CPE: variants seen among roughly 807,000 people sequenced by gnomAD.
CPE encodes carboxypeptidase E.
In CPE, 17 loss-of-function variants were observed where a neutral mutation model predicts 53.5. The ratio of observed to expected loss-of-function variants is 0.32; its 90% CI spans 0.22 to 0.48. The LOEUF is 0.48. CPE is among the 20% of genes least tolerant of loss of function. The pLI is 0.99. For missense variants in CPE, 524 were observed against 614.7 expected (o/e 0.85, Z 1.56); for synonymous variants, 226 against 228.8 (o/e 0.99, Z 0.11).
chr4:165,391,260 T>G (rs1457813471), intron 1 of CPE, among the ~76,000 whole-genome samples: 1 of 152,180 alleles, frequency 6.6e-6, no homozygotes, highest in African/African-American at 2.4e-5. Context: ...CTTAAATGAA[T>G]GTACAGAAGA....
chr4:165,407,859 C>CA (rs1730977027), intron 1 of CPE, among the ~76,000 whole-genome samples: 1 of 144,728 alleles, frequency 6.9e-6, no homozygotes, highest in Non-Finnish European at 1.5e-5. Flanking sequence ...CCCGACCCAA[C>CA]TTTTTTTTTT....
chr4:165,481,018 T>TATATATA (rs1560894846), intron 3 of CPE, among the ~76,000 whole-genome samples: 3 of 115,304 alleles, frequency 2.6e-5, no homozygotes, highest in African/African-American at 1.2e-4. Flanking sequence ...ATATATATAT[T>TATATATA]TTTTTTTTTT....
intron 6 of CPE, among the ~76,000 whole-genome samples, chr4:165,491,416 CA>C (rs2126716612): frequency 6.6e-6 from 1 of 152,294 alleles, no homozygotes; most frequent in East Asian, 1.9e-4. Context: ...AATGGGGCCT[CA>C]TTTTAAGAAA....
chr4:165,410,094 C>G (rs1731012701), intron 1 of CPE, among the ~76,000 whole-genome samples: 1 of 151,716 alleles, frequency 6.6e-6, no homozygotes, highest in Non-Finnish European at 1.5e-5. Flanking sequence ...ACTAAAAATA[C>G]AAAAATTAGC....
At chr4:165,402,118 G>T (rs1247033244) in intron 1 of CPE, among the ~76,000 whole-genome samples, 1 of 152,154 alleles carries the variant, frequency 6.6e-6, no homozygotes, top group Non-Finnish European at 1.5e-5. Context: ...ATGTAATAAA[G>T]CTTCTTTATG....
intron 6 of CPE, 22 bp downstream of exon 6, chr4:165,487,599 A>G (rs748290716): frequency 6.2e-7 from 1 of 1,613,528 alleles, no homozygotes; most frequent in South Asian, 1.1e-5. Flanking sequence ...CCCCAGCATA[A>G]AAATGCAAGG....
At chr4:165,456,439 T>G (rs1401586721) in intron 1 of CPE, among the ~76,000 whole-genome samples, 2 of 152,184 alleles carry the variant, frequency 1.3e-5, no homozygotes, top group Non-Finnish European at 2.9e-5. Flanking sequence ...AATAAAAGCT[T>G]CTTTTAATTA....
chr4:165,459,686 G>GGT lies in CPE; in HGVS notation c.308-4703_308-4702insTG, dbSNP rs1553976505. ...TGGGAGGGCTGGGTGGGGGGGGGCG[G>GGT]GGCAGATCATGAGGTCAGGAGGAGT... is the stretch of plus-strand genomic sequence containing the variant. On this transcript the variant is annotated intron_variant, in intron 1 of 8. Coordinates refer to ENST00000402744, the MANE Select transcript of CPE (RefSeq NM_001873.4). Among the ~76,000 whole-genome samples the GGT allele has an allele frequency of 4.9e-4, 57 of 116,752 alleles. 1 individual carries two copies. Among genetic ancestry groups the GGT allele is most frequent in the African/African-American group, 1.8e-3 (46 of 25,252 alleles). 76.6% of individuals were successfully genotyped at this position (116,752 alleles called of 152,430 possible).
chr4:165,392,488 T>C (rs1016849791), intron 1 of CPE, among the ~76,000 whole-genome samples: 5 of 145,552 alleles, frequency 3.4e-5, no homozygotes, highest in African/African-American at 1.2e-4. Flanking sequence ...ATCATATATT[T>C]ACAATATATG....
At chr4:165,421,827 G>T (rs1261111142) in intron 1 of CPE, among the ~76,000 whole-genome samples, 1 of 152,068 alleles carries the variant, frequency 6.6e-6, no homozygotes, top group East Asian at 1.9e-4. Context: ...TAATGTTAAT[G>T]GTGCATAGCA....
At chr4:165,404,208 G>T in intron 1 of CPE, 1 of 759,842 alleles carries the variant, frequency 1.3e-6, no homozygotes, top group Non-Finnish European at 2.5e-6. Context: ...AAGCAGAAAG[G>T]CCCTCCAAGA....
At chr4:165,394,643 G>A (rs1256280954) in intron 1 of CPE, among the ~76,000 whole-genome samples, 1 of 152,160 alleles carries the variant, frequency 6.6e-6, no homozygotes, top group Non-Finnish European at 1.5e-5. Context: ...ATGTGATTCA[G>A]TAGGGAGGAT....
intron 1 of CPE, chr4:165,404,783 G>T: frequency 1.3e-6 from 1 of 775,408 alleles, no homozygotes; most frequent in Non-Finnish European, 2.4e-6. Context: ...GATTGCTACA[G>T]TTGAAGCACT....
rs568797487 is a variant in CPE at position 165,458,303 on chromosome 4, T to G, written c.308-6087T>G. 3.8e-4 allele frequency among the ~76,000 whole-genome samples: 58 copies of G among 152,336 alleles called. No homozygotes were observed. In the South Asian group the frequency reaches 3.9e-3, roughly 10 times the overall value. On this transcript the variant is annotated intron_variant, in intron 1 of 8. Coordinates refer to ENST00000402744, the MANE Select transcript of CPE (RefSeq NM_001873.4). ...TCATGATATCTTTGAAAAATGGGGTTTTACCTGTGGAAATTACACTATTGT... is the reference window on the plus strand; with the variant it reads ...TCATGATATCTTTGAAAAATGGGGTGTTACCTGTGGAAATTACACTATTGT...
chr4:165,379,055 GCC>G lies in CPE; in HGVS notation c.-164_-163del, dbSNP rs1290052751. ...CGGCTTTGCCCGTCTCCTCTGGGTG[GCC>G]CCAGTGCGCGGGCTGACACTCATTC... On this transcript the variant is annotated 5_prime_UTR_variant, in exon 1 of 9. Transcript: ENST00000402744. The surrounding 1 kb of genome is among the most constrained non-coding windows in gnomAD (Gnocchi z 6.0). 1.9e-6 allele frequency: 1 copy of G among 527,812 alleles called. No homozygotes were observed. The highest frequency in any genetic ancestry group is 4.7e-5 in the Admixed American group (1 of 21,258). The allele number at this position is 527,812 out of a possible 1,614,324, so 32.7% of individuals were successfully genotyped here. A position where few individuals can be genotyped will look rare whatever the true frequency, so the allele number is the denominator to read the frequency against.
In CPE at chr4:165,497,579, G is replaced by A; in HGVS notation, c.1400G>A (p.Trp467Ter). The A allele has an allele frequency of 6.4e-7, 1 of 1,571,724 alleles. No homozygotes were observed. The highest frequency in any genetic ancestry group is 2.3e-5 in the East Asian group (1 of 43,136). ...GAGAAGGAAGAATTGATGGAATGGT[G>A]GAAAATGATGTCAGAAACTTTAAAT... ...EEEKEELMEW[W>*]KMMSETLNF Residue 467 changes from tryptophan (W) to a stop codon, truncating the protein, a stop_gained, in exon 9 of 9, where the codon TGG (tryptophan) becomes TAG (stop). Coordinates refer to ENST00000402744, the MANE Select transcript of CPE (RefSeq NM_001873.4). LOFTEE classifies it high-confidence loss of function.
intron 3 of CPE, among the ~76,000 whole-genome samples, chr4:165,469,775 C>T (rs1021077270): frequency 3.3e-5 from 5 of 152,140 alleles, no homozygotes; most frequent in African/African-American, 1.2e-4. Flanking sequence ...AGGCAGTAGG[C>T]TGAGGGCCTG....
intron 1 of CPE, among the ~76,000 whole-genome samples, chr4:165,407,226 A>G (rs763347660): frequency 5.3e-5 from 8 of 152,258 alleles, no homozygotes; most frequent in Non-Finnish European, 7.4e-5. Context: ...AAAGGTTCCA[A>G]TTTCTCTATA....
chr4:165,427,596 T>C lies in CPE; in HGVS notation c.308-36794T>C, dbSNP rs115813032. On this transcript the variant is annotated intron_variant, in intron 1 of 8. Transcript: ENST00000402744. Reference sequence around the variant, plus strand: ...GGCATTGGGTAAGAACCTACACATATTTTGCATTTTTTTCCTGAATATTAG... The same window carrying C: ...GGCATTGGGTAAGAACCTACACATACTTTGCATTTTTTTCCTGAATATTAG... Among the ~76,000 whole-genome samples, 1,076 of 152,284 alleles carry C rather than the reference T, an allele frequency of 7.1e-3. 11 individuals carry two copies. The highest frequency in any genetic ancestry group is 0.025 in the African/African-American group (1,024 of 41,556).
Sources: gnomAD v4.1 joint callset for allele counts (sites outside exome capture counted in the v4.1 genomes callset) on GRCh38, gnomAD v4.1.1 for gene constraint, Gnocchi (gnomAD v3.1) non-coding constraint, MANE v1.5 for transcripts, NCBI Gene and HGNC (gene_info 2026-07-23, HGNC 2026-07-21) for gene names.